Variants in IQSEC1 observed in about 807,000 individuals in gnomAD.
The protein encoded by IQSEC1 is IQ motif and Sec7 domain ArfGEF 1.
Under a neutral mutation model 91.0 loss-of-function variants are expected in IQSEC1, and 31 were observed. That is an observed-to-expected ratio of 0.34 (90% CI 0.26 to 0.46). The LOEUF (loss-of-function observed/expected upper bound fraction) is 0.46, where lower values mean the gene tolerates loss of function less well. IQSEC1 is among the 20% of genes least tolerant of loss of function. The pLI is 1.00. For missense variants in IQSEC1, 1,388 were observed against 1,575.6 expected (o/e 0.88, Z 2.02); for synonymous variants, 699 against 662.6 (o/e 1.05, Z -0.84).
chr3:13,122,394 C>T (rs910053115), intron 2 of IQSEC1, among the ~76,000 whole-genome samples: 8 of 151,972 alleles, frequency 5.3e-5, no homozygotes, highest in Admixed American at 1.3e-4. Context: ...GAGGGAGCCA[C>T]GGGAAGGTGC....
rs1349448904 is a variant in IQSEC1 at position 13,207,215 on chromosome 3, G to A, written c.273-43082C>T. On this transcript the variant is annotated intron_variant, in intron 1 of 15. Transcript: ENST00000648114. This position sits in a 1 kb window ranked among gnomAD's most constrained non-coding sequence, Gnocchi z 4.8. ...CTCTGGCTGAACACACCCAGACCAA[G>A]CTCTTGACCCTGACCTTCCCCACCT... Among the ~76,000 whole-genome samples the A allele has an allele frequency of 6.6e-6, 1 of 152,036 alleles. No individual in the cohort carries two copies. The highest frequency in any genetic ancestry group is 1.5e-5 in the Non-Finnish European group (1 of 68,020).
intron 1 of IQSEC1, among the ~76,000 whole-genome samples, chr3:13,271,910 TAA>T (rs1695596580): frequency 1.3e-5 from 2 of 152,294 alleles, no homozygotes; most frequent in South Asian, 4.1e-4. Flanking sequence ...CAAGGAAATA[TAA>T]GACACAAACA....
At chr3:13,046,519 C>T (rs1704501219) in intron 1 of IQSEC1, among the ~76,000 whole-genome samples, 2 of 152,202 alleles carry the variant, frequency 1.3e-5, no homozygotes, top group Admixed American at 1.3e-4. Context: ...GGGGCCCAGC[C>T]CTTGGTTGCT....
At position 12,994,271 on chromosome 3, in the gene IQSEC1, C is replaced by T. The variant is rs931738087; in HGVS notation, c.24-52406G>A. On this transcript the variant is annotated intron_variant, in intron 1 of 13. Transcript: ENST00000613206. This position sits in a 1 kb window ranked among gnomAD's most constrained non-coding sequence, Gnocchi z 4.5. ...CCGCCCTCCTGCCCGCCCCACCGCCCGTGCGCCGTGACCTTGGCGGGTGGC... is the reference window on the plus strand; with the variant it reads ...CCGCCCTCCTGCCCGCCCCACCGCCTGTGCGCCGTGACCTTGGCGGGTGGC... 4.0e-5 allele frequency among the ~76,000 whole-genome samples: 6 copies of T among 151,202 alleles called. No homozygotes were observed. The highest frequency in any genetic ancestry group is 1.5e-4 in the African/African-American group (6 of 41,250).
At position 12,936,227 on chromosome 3, in the gene IQSEC1, C is replaced by G. The variant is rs1485034584; in HGVS notation, c.789G>C (p.Arg263=). 6.2e-7 allele frequency: 1 copy of G among 1,613,114 alleles called. No individual in the cohort carries two copies. Among genetic ancestry groups the G allele is most frequent in the Admixed American group, 1.7e-5 (1 of 60,026 alleles). The change falls in exon 3 of 14, where the codon CGG becomes CGC. Residue 263 remains arginine, a synonymous_variant. Coordinates refer to ENST00000613206, the MANE Select transcript of IQSEC1 (RefSeq NM_001134382.3). The stretch of plus-strand genomic sequence containing the variant: ...GCAGGGCTGTCTGGGGTTCGGTGTC[C>G]CGGGCCCGCGCCGCATCCAGGGCCG... The part of the protein sequence containing the change: ...EAPALDAARA[R]DTEPQTALHG...
rs993342017 is a variant in IQSEC1, at chr3:13,186,118, G to C, written c.273-21985C>G. ...TTCACTGCTGTTCTCGTCCCACATG[G>C]AGCAGGGGCAATCATTAAAGCTGCT... On this transcript the variant is annotated intron_variant, in intron 1 of 15. Transcript: ENST00000648114. Among the ~76,000 whole-genome samples, 4 of 152,220 alleles carry C rather than the reference G, an allele frequency of 2.6e-5. 1 individual carries two copies. In the South Asian group the frequency reaches 8.3e-4, roughly 31 times the overall value.
chr3:13,132,277 A>C (rs1706633750), intron 2 of IQSEC1, among the ~76,000 whole-genome samples: 1 of 152,178 alleles, frequency 6.6e-6, no homozygotes, highest in Non-Finnish European at 1.5e-5. Flanking sequence ...GCTTTAACCA[A>C]CACTTTATGA....
chr3:13,227,500 A>G (rs575302781), intron 1 of IQSEC1, among the ~76,000 whole-genome samples: 1 of 151,746 alleles, frequency 6.6e-6, no homozygotes, highest in South Asian at 2.1e-4. Flanking sequence ...GCAGTAACAT[A>G]TGAGGTCAGA....
At position 12,977,352 on chromosome 3, in the gene IQSEC1, GAA is replaced by G. The variant is rs5846795; in HGVS notation, c.24-35489_24-35488del. Among the ~76,000 whole-genome samples, 1,197 of 144,842 alleles carry G rather than the reference GAA, an allele frequency of 8.3e-3. 20 individuals are homozygous for G. Among genetic ancestry groups the G allele is most frequent in the African/African-American group, 0.025 (979 of 39,086 alleles). On this transcript the variant is annotated intron_variant, in intron 1 of 13. Coordinates refer to ENST00000613206, the MANE Select transcript of IQSEC1 (RefSeq NM_001134382.3). Reference sequence around the variant, plus strand: ...AACAGTATAAAATCCTGTCTCCAGGGAAAAAAAAAAAAAGCGCTATCCCGTTG... The same window carrying G: ...AACAGTATAAAATCCTGTCTCCAGGGAAAAAAAAAAAGCGCTATCCCGTTG...
intron 1 of IQSEC1, among the ~76,000 whole-genome samples, chr3:13,233,837 G>T (rs2125092359): frequency 6.6e-6 from 1 of 152,298 alleles, no homozygotes; most frequent in South Asian, 2.1e-4. Flanking sequence ...ATGTGGTATG[G>T]CCTTGGGCGG....
intron 5 of IQSEC1, among the ~76,000 whole-genome samples, chr3:12,921,033 G>A (rs946794720): frequency 2.0e-5 from 3 of 152,178 alleles, no homozygotes; most frequent in Non-Finnish European, 2.9e-5. Context: ...AGAGGGAGAA[G>A]CACTCTGCCT....
intron 1 of IQSEC1, among the ~76,000 whole-genome samples, chr3:13,064,930 C>A (rs1411785834): frequency 6.6e-6 from 1 of 152,198 alleles, no homozygotes; most frequent in Non-Finnish European, 1.5e-5. Flanking sequence ...CCAGGACTGA[C>A]CTGGACGGAG....
At chr3:13,118,248 T>G (rs1434491893) in intron 2 of IQSEC1, among the ~76,000 whole-genome samples, 2 of 152,210 alleles carry the variant, frequency 1.3e-5, no homozygotes, top group African/African-American at 4.8e-5. Context: ...ATTTAAAAAC[T>G]TAAATATAAT....
intron 2 of IQSEC1, among the ~76,000 whole-genome samples, chr3:13,132,496 T>A (rs1402178790): frequency 6.6e-6 from 1 of 152,192 alleles, no homozygotes; most frequent in Non-Finnish European, 1.5e-5. Context: ...GTGCAGTGTA[T>A]CCTCTCCCAG....
At chr3:13,042,358 G>T in intron 1 of IQSEC1, 1 of 152,390 alleles carries the variant, frequency 6.6e-6, no homozygotes. Context: ...CCTTGAACTT[G>T]AGCATTTTCA....
At chr3:12,965,401 C>T (rs988064674) in intron 1 of IQSEC1, among the ~76,000 whole-genome samples, 2 of 152,202 alleles carry the variant, frequency 1.3e-5, no homozygotes, top group Non-Finnish European at 2.9e-5. Flanking sequence ...GGAGCCAGCC[C>T]AAGGAGCATC....
intron 1 of IQSEC1, among the ~76,000 whole-genome samples, chr3:13,063,381 G>A (rs1705132119): frequency 6.6e-6 from 1 of 152,254 alleles, no homozygotes; most frequent in African/African-American, 2.4e-5. Context: ...TCTTCAAAAT[G>A]GCATTTGATG....
At chr3:13,142,504 C>T (rs982279317) in intron 2 of IQSEC1, among the ~76,000 whole-genome samples, 1 of 152,216 alleles carries the variant, frequency 6.6e-6, no homozygotes, top group African/African-American at 2.4e-5. Context: ...ATCTCTCTGA[C>T]CCACCTCTGG....
chr3:12,959,367 A>AC (rs1355932794), intron 1 of IQSEC1, among the ~76,000 whole-genome samples: 2 of 151,996 alleles, frequency 1.3e-5, no homozygotes, highest in African/African-American at 4.8e-5. Flanking sequence ...CATCCAGGGG[A>AC]CCCCCAATCC....
Sources: allele counts gnomAD v4.1 joint callset (sites outside exome capture counted in the v4.1 genomes callset), GRCh38; gene constraint gnomAD v4.1.1; non-coding constraint Gnocchi (gnomAD v3.1); transcripts MANE v1.5; gene names NCBI Gene and HGNC (gene_info 2026-07-23, HGNC 2026-07-21).